The following OR10K1 variants were observed in gnomAD, a reference collection of about 807,000 sequenced individuals.
OR10K1 encodes olfactory receptor family 10 subfamily K member 1.
For synonymous variants in OR10K1, 186 were observed against 152.5 expected, an observed-to-expected ratio of 1.22 and a Z score of -1.62; for missense variants, 404 against 373.3, an observed-to-expected ratio of 1.08 and a Z score of -0.68.
At chr1:158,463,177 C>T (rs1004575470) in intron 1 of OR10K1, among the ~76,000 whole-genome samples, 6 of 152,044 alleles carry the variant, frequency 3.9e-5, no homozygotes, top group South Asian at 2.1e-4. Context: ...TCACAGAAGA[C>T]TAGACCTGAA....
rs184323005 is a variant in OR10K1 at position 158,465,533 on chromosome 1, C to A, written c.-29C>A. The A allele has an allele frequency of 3.2e-6, 5 of 1,569,756 alleles. No homozygotes were observed. The South Asian group carries it at 5.6e-5, about 18-fold the overall frequency. On this transcript the variant is annotated 5_prime_UTR_variant, in exon 2 of 2. Coordinates refer to ENST00000641535, the MANE Select transcript of OR10K1 (RefSeq NM_001004473.2). ...CTGGATCCTGGTTTCTACCTCTGTC[C>A]CTGACTCTCCTTTATAGAAGTGCTC...
rs1656022880 is a variant in OR10K1, at chr1:158,465,816, G to T, written c.255G>T (p.Leu85=). ...FVIVPKMLVD[L]LSQKKTISFL... is the part of the protein sequence containing the mutation. ...TTGTACCCAAGATGCTGGTTGACCTGCTGTCCCAGAAGAAGACCATTTCTT... is the reference window on the plus strand; with the variant it reads ...TTGTACCCAAGATGCTGGTTGACCTTCTGTCCCAGAAGAAGACCATTTCTT... Residue 85 remains leucine (L), a synonymous_variant, in exon 2 of 2, where the codon CTG becomes CTT. Coordinates refer to ENST00000641535, the MANE Select transcript of OR10K1 (RefSeq NM_001004473.2). 6.2e-7 allele frequency: 1 copy of T among 1,614,166 alleles called. No individual in the cohort carries two copies. Among genetic ancestry groups the T allele is most frequent in the East Asian group, 2.2e-5 (1 of 44,890 alleles).
rs1656050680 is a variant in OR10K1 at position 158,466,669 on chromosome 1, A to G, written c.*166A>G. On this transcript the variant is annotated 3_prime_UTR_variant, in exon 2 of 2. Transcript: ENST00000641535. The stretch of plus-strand genomic sequence containing the variant: ...AAGACAGTCTGGCTTTCTACTCTCC[A>G]TGATACTTTAACAAGACTAATCAGA... 1 of 604,826 alleles carries G rather than the reference A, an allele frequency of 1.7e-6. No homozygotes were observed. Among genetic ancestry groups the G allele is most frequent in the Admixed American group, 3.1e-5 (1 of 32,680 alleles). 37.5% of individuals were successfully genotyped at this position (604,826 alleles called of 1,614,324 possible). A position where few individuals can be genotyped will look rare whatever the true frequency, so the allele number is the denominator to read the frequency against.
At chr1:158,464,359 A>G (rs1655989853) in intron 1 of OR10K1, among the ~76,000 whole-genome samples, 1 of 152,200 alleles carries the variant, frequency 6.6e-6, no homozygotes, top group African/African-American at 2.4e-5. Flanking sequence ...TCTTATTAAC[A>G]TAACAACATA....
intron 1 of OR10K1, among the ~76,000 whole-genome samples, chr1:158,463,414 C>T (rs1233004334): frequency 6.6e-6 from 1 of 152,168 alleles, no homozygotes; most frequent in Non-Finnish European, 1.5e-5. Flanking sequence ...TTATATCGAT[C>T]ACATGATTCA....
Position 158,465,393 on chromosome 1 carries a change from ATTC to A in OR10K1, c.-156-7_-156-5del. ...GTTATTCTTTTGCATATTTTGCCTA[ATTC>A]TTCTTTTAGCAGGCATTTTAATGGG... On this transcript the variant is annotated splice_polypyrimidine_tract_variant and intron_variant, in intron 1 of 1. Coordinates refer to ENST00000641535, the MANE Select transcript of OR10K1 (RefSeq NM_001004473.2). 1 of 626,646 alleles carries A rather than the reference ATTC, an allele frequency of 1.6e-6. No homozygotes were observed. The highest frequency in any genetic ancestry group is 2.0e-5 in the South Asian group (1 of 49,410). 38.8% of individuals were successfully genotyped at this position (626,646 alleles called of 1,614,324 possible).
chr1:158,461,875 C>G lies in OR10K1; in HGVS notation c.-186C>G, dbSNP rs565999668. The G allele has an allele frequency of 1.6e-4, 24 of 152,436 alleles. No homozygotes were observed. The highest frequency in any genetic ancestry group is 4.6e-4 in the African/African-American group (19 of 41,540). 9.4% of individuals were successfully genotyped at this position (152,436 alleles called of 1,614,324 possible). A position where few individuals can be genotyped will look rare whatever the true frequency, so the allele number is the denominator to read the frequency against. On this transcript the variant is annotated 5_prime_UTR_variant, in exon 1 of 2. Transcript: ENST00000641535. ...TGTTTGAGAAAGCCTCTTTCTGTGC[C>G]TCCCATGGAGATCAGTGATGGCATT...
chr1:158,462,377 C>T lies in OR10K1; in HGVS notation c.-157+473C>T, dbSNP rs68078546. ...ATTTTCTTTTTTCTTTTCCTTCCTT[C>T]CTTCCTTTCTTCCTTACTTCCTTCC... On this transcript the variant is annotated intron_variant, in intron 1 of 1. Coordinates refer to ENST00000641535, the MANE Select transcript of OR10K1 (RefSeq NM_001004473.2). Among the ~76,000 whole-genome samples, 70 of 57,722 alleles carry T rather than the reference C, an allele frequency of 1.2e-3. 1 individual carries two copies. The highest frequency in any genetic ancestry group is 1.9e-3 in the African/African-American group (35 of 18,598). The allele number at this position is 57,722 out of a possible 152,430, so 37.9% of individuals were successfully genotyped here.
rs1571284032 is a variant in OR10K1 at position 158,463,024 on chromosome 1, A to C, written c.-157+1120A>C. On this transcript the variant is annotated intron_variant, in intron 1 of 1. Transcript: ENST00000641535. ...GGTCATAGTACTCCGATACTATCTT[A>C]GTCAAAATTCCTCTGTAAAATGTTC... is the stretch of plus-strand genomic sequence containing the variant. Among the ~76,000 whole-genome samples the C allele has an allele frequency of 3.3e-5, 5 of 152,186 alleles. No homozygotes were observed. In the South Asian group the frequency reaches 8.3e-4, roughly 25 times the overall value.
intron 1 of OR10K1, among the ~76,000 whole-genome samples, chr1:158,463,332 G>T (rs994588687): frequency 1.3e-5 from 2 of 152,158 alleles, no homozygotes; most frequent in African/African-American, 4.8e-5. Context: ...GTCCCTAATG[G>T]CATCTTGAGC....
At chr1:158,464,306 G>A (rs1349151613) in intron 1 of OR10K1, among the ~76,000 whole-genome samples, 1 of 152,050 alleles carries the variant, frequency 6.6e-6, no homozygotes, top group African/African-American at 2.4e-5. Context: ...ATTTGTAATG[G>A]CAGTTTGCAA....
Position 158,463,776 on chromosome 1 carries a change from AC to A in OR10K1, c.-156-1629del, listed in dbSNP as rs1389610770. ...CCAGAAGGAGGTATTATGTAGGGAA[AC>A]TTTTACCTTTCTGTATATAAAAACA... On this transcript the variant is annotated intron_variant, in intron 1 of 1. Coordinates refer to ENST00000641535, the MANE Select transcript of OR10K1 (RefSeq NM_001004473.2). Among the ~76,000 whole-genome samples the A allele has an allele frequency of 5.3e-5, 8 of 152,298 alleles. No individual in the cohort carries two copies. In the Middle Eastern group the frequency reaches 0.01, roughly 194 times the overall value.
chr1:158,465,936 C>T lies in OR10K1; in HGVS notation c.375C>T (p.Ala125=). ...LAAMGYDRYM[A]ICNPLRYSVL... The stretch of plus-strand genomic sequence containing the variant: ...CCATGGGCTATGATCGCTATATGGC[C>T]ATCTGTAACCCACTGCGCTACTCAG... The change falls in exon 2 of 2, where the codon GCC becomes GCT. Residue 125 remains alanine, a synonymous_variant. Coordinates refer to ENST00000641535, the MANE Select transcript of OR10K1 (RefSeq NM_001004473.2). 6.2e-7 allele frequency: 1 copy of T among 1,614,130 alleles called. No homozygotes were observed. Among genetic ancestry groups the T allele is most frequent in the South Asian group, 1.1e-5 (1 of 91,084 alleles).
Position 158,465,542 on chromosome 1 carries a change from C to A in OR10K1, c.-20C>A. 3.8e-6 allele frequency: 6 copies of A among 1,596,936 alleles called. No individual in the cohort carries two copies. Among genetic ancestry groups the A allele is most frequent in the Non-Finnish European group, 4.3e-6 (5 of 1,166,152 alleles). On this transcript the variant is annotated 5_prime_UTR_variant, in exon 2 of 2. Coordinates refer to ENST00000641535, the MANE Select transcript of OR10K1 (RefSeq NM_001004473.2). ...GGTTTCTACCTCTGTCCCTGACTCT[C>A]CTTTATAGAAGTGCTCTCCATGGAG... is the stretch of plus-strand genomic sequence containing the variant.
At chr1:158,464,345 G>T (rs1655989502) in intron 1 of OR10K1, among the ~76,000 whole-genome samples, 1 of 152,238 alleles carries the variant, frequency 6.6e-6, no homozygotes, top group Non-Finnish European at 1.5e-5. Flanking sequence ...ATGTTCAAAA[G>T]AAATCTTATT....
chr1:158,466,238 TA>T lies in OR10K1; in HGVS notation c.682del (p.Ile228SerfsTer21), dbSNP rs756372980. 1.2e-6 allele frequency: 2 copies of T among 1,614,062 alleles called. No homozygotes were observed. The highest frequency in any genetic ancestry group is 1.7e-6 in the Non-Finnish European group (2 of 1,180,030). On this transcript the variant is annotated frameshift_variant, in exon 2 of 2. Coordinates refer to ENST00000641535, the MANE Select transcript of OR10K1 (RefSeq NM_001004473.2). LOFTEE classifies it low-confidence loss of function (END_TRUNC). ...TACATCCGCATCATCTCTGCCATTCTAAAAATCCCTTCCTCCGTTGGAAGAT... is the reference window on the plus strand; with the variant it reads ...TACATCCGCATCATCTCTGCCATTCTAAAATCCCTTCCTCCGTTGGAAGAT... Reference protein sequence around the residue: ...VSYIRIISAILKIPSSVGRYK... With the variant: ...VSYIRIISAIXKIPSSVGRYK...
chr1:158,463,636 A>G (rs1171317012), intron 1 of OR10K1, among the ~76,000 whole-genome samples: 1 of 152,172 alleles, frequency 6.6e-6, no homozygotes, highest in African/African-American at 2.4e-5. Context: ...TTAAAGGTTG[A>G]TTAGTTGAAA....
Position 158,467,007 on chromosome 1 carries a change from A to G in OR10K1, c.*504A>G, listed in dbSNP as rs1656059529. On this transcript the variant is annotated 3_prime_UTR_variant, in exon 2 of 2. Coordinates refer to ENST00000641535, the MANE Select transcript of OR10K1 (RefSeq NM_001004473.2). ...TGGTGGTCCTTTTTGTCCCCAATTC[A>G]TTTCCTTAACCTACATATTGAAATA... is the stretch of plus-strand genomic sequence containing the variant. The G allele has an allele frequency of 6.5e-6, 1 of 153,936 alleles. No individual in the cohort carries two copies. The highest frequency in any genetic ancestry group is 1.4e-5 in the Non-Finnish European group (1 of 69,324). The allele number at this position is 153,936 out of a possible 1,614,324, so 9.5% of individuals were successfully genotyped here. A position where few individuals can be genotyped will look rare whatever the true frequency, so the allele number is the denominator to read the frequency against.
intron 1 of OR10K1, among the ~76,000 whole-genome samples, chr1:158,462,775 TG>T (rs933128619): frequency 5.3e-5 from 8 of 152,224 alleles, no homozygotes; most frequent in African/African-American, 1.9e-4. Flanking sequence ...TGCCTTCTTT[TG>T]GGGGAACCCA....
Sources: allele counts gnomAD v4.1 joint callset (sites outside exome capture counted in the v4.1 genomes callset), GRCh38; gene constraint gnomAD v4.1.1; transcripts MANE v1.5; gene names NCBI Gene and HGNC (gene_info 2026-07-23, HGNC 2026-07-21).